NBAS: variants seen among roughly 807,000 people sequenced by gnomAD.
NBAS encodes the protein NBAS subunit of NRZ tethering complex, also known as NAG/BC035112 fusion.
In NBAS, 219 loss-of-function variants were observed where a neutral mutation model predicts 302.5. The observed-to-expected ratio is 0.72, with a 90% CI of 0.65 to 0.81. NBAS has a LOEUF of 0.81. NBAS is among the 30% of genes least tolerant of loss of function. NBAS has a pLI of 0.00. For synonymous variants in NBAS, 1,118 were observed against 1,021.6 expected, an observed-to-expected ratio of 1.09 and a Z score of -1.80; for missense variants, 2,932 against 2,841.6, an observed-to-expected ratio of 1.03 and a Z score of -0.72.
intron 21 of NBAS, among the ~76,000 whole-genome samples, chr2:15,445,534 T>G: frequency 6.9e-6 from 1 of 145,680 alleles, no homozygotes; most frequent in Admixed American, 6.8e-5. Flanking sequence ...AGGGATAGCA[T>G]TGGGAGATAT....
At chr2:15,346,828 G>T (rs2148284972) in intron 35 of NBAS, among the ~76,000 whole-genome samples, 1 of 152,220 alleles carries the variant, frequency 6.6e-6, no homozygotes, top group South Asian at 2.1e-4. Flanking sequence ...GCCATAAAAA[G>T]GTATGCAATC....
rs1672301217 is a variant in NBAS at position 15,330,778 on chromosome 2, A to G, written c.4180-13T>C. On this transcript the variant is annotated splice_polypyrimidine_tract_variant and intron_variant, in intron 35 of 51. Transcript: ENST00000281513. ...CACCTACTTCATCCTGTATTAAAGA[A>G]ACAAAATAGCAAGGGCAAAAATGCA... 1 of 1,613,100 alleles carries G rather than the reference A, an allele frequency of 6.2e-7. No homozygotes were observed. The highest frequency in any genetic ancestry group is 1.3e-5 in the African/African-American group (1 of 75,016).
At chr2:14,853,496 T>C in the NBAS span, among the ~76,000 whole-genome samples, 22 of 95,120 alleles carry the variant, frequency 2.3e-4, no homozygotes, top group Middle Eastern at 4.4e-3. Flanking sequence ...AGTTCAACCA[T>C]TGTGGAAGTC....
At chr2:15,168,991 G>A (rs1244166571) in intron 51 of NBAS, among the ~76,000 whole-genome samples, 4 of 152,196 alleles carry the variant, frequency 2.6e-5, no homozygotes, top group Non-Finnish European at 5.9e-5. Flanking sequence ...AGGCACAGAA[G>A]TTTTATCACT....
chr2:15,090,013 G>T, the NBAS span, among the ~76,000 whole-genome samples: 2 of 152,150 alleles, frequency 1.3e-5, no homozygotes, highest in African/African-American at 2.4e-5. Context: ...CTCCCAAAGT[G>T]CTGGGATTGC....
intron 19 of NBAS, among the ~76,000 whole-genome samples, chr2:15,466,525 A>G (rs562305858): frequency 6.6e-6 from 1 of 152,318 alleles, no homozygotes; most frequent in East Asian, 1.9e-4. Flanking sequence ...ACATGGGGAC[A>G]TCTATGTTTG....
At chr2:15,535,175 C>A (rs1276581746) in intron 8 of NBAS, among the ~76,000 whole-genome samples, 1 of 152,142 alleles carries the variant, frequency 6.6e-6, no homozygotes, top group East Asian at 1.9e-4. Flanking sequence ...GGAACTGGAT[C>A]CAGGATGCTC....
At chr2:15,416,528 G>A (rs887416366) in intron 24 of NBAS, among the ~76,000 whole-genome samples, 2 of 152,186 alleles carry the variant, frequency 1.3e-5, no homozygotes, top group Non-Finnish European at 2.9e-5. Flanking sequence ...GATAAGCCAG[G>A]AGAGGTGGCT....
At chr2:14,876,298 A>G in the NBAS span, among the ~76,000 whole-genome samples, 2 of 152,192 alleles carry the variant, frequency 1.3e-5, no homozygotes, top group African/African-American at 4.8e-5. Flanking sequence ...TGTGGAAAAG[A>G]CAACCAAGTA....
chr2:15,330,545 T>A, intron 36 of NBAS, 53 bp downstream of exon 36: 1 of 1,605,292 alleles, frequency 6.2e-7, no homozygotes, highest in South Asian at 1.1e-5. Context: ...ACATTGCTAA[T>A]GAATTTATAT....
Position 15,475,643 on chromosome 2 carries a change from G to C in NBAS, c.1341+44C>G, listed in dbSNP as rs1291762503. The C allele has an allele frequency of 1.9e-6, 3 of 1,571,716 alleles. No individual in the cohort carries two copies. In the South Asian group the frequency reaches 3.4e-5, roughly 18 times the overall value. ...TAAAAACCAGATATTTAAATTTTTG[G>C]TTAAATACATAACTATTCTCAAACA... is the stretch of plus-strand genomic sequence containing the variant. On this transcript the variant is annotated intron_variant, in intron 14 of 51. Coordinates refer to ENST00000281513, the MANE Select transcript of NBAS (RefSeq NM_015909.4).
At chr2:14,988,030 C>T in the NBAS span, among the ~76,000 whole-genome samples, 3 of 152,058 alleles carry the variant, frequency 2.0e-5, no homozygotes, top group African/African-American at 7.2e-5. Flanking sequence ...ATAAGGTGTC[C>T]GTATTTGTCC....
At chr2:14,875,695 G>C in the NBAS span, among the ~76,000 whole-genome samples, 1 of 152,028 alleles carries the variant, frequency 6.6e-6, no homozygotes, top group South Asian at 2.1e-4. Context: ...AACTAAAATA[G>C]CTTAAAATAT....
At chr2:15,299,586 A>G (rs1265340729) in intron 40 of NBAS, among the ~76,000 whole-genome samples, 1 of 152,208 alleles carries the variant, frequency 6.6e-6, no homozygotes, top group African/African-American at 2.4e-5. Context: ...GAAATAGTCT[A>G]CCATAAAATT....
At chr2:14,896,852 A>T in the NBAS span, among the ~76,000 whole-genome samples, 1 of 152,174 alleles carries the variant, frequency 6.6e-6, no homozygotes, top group African/African-American at 2.4e-5. Flanking sequence ...ATGTATAAGC[A>T]TTTTAATGTA....
chr2:14,973,216 C>G, the NBAS span, among the ~76,000 whole-genome samples: 10 of 152,252 alleles, frequency 6.6e-5, no homozygotes, highest in African/African-American at 2.4e-4. Context: ...TGGGCTAGAA[C>G]CTTCCTAAGG....
At chr2:14,844,417 G>A in the NBAS span, among the ~76,000 whole-genome samples, 8 of 152,302 alleles carry the variant, frequency 5.3e-5, no homozygotes, top group South Asian at 6.2e-4. Flanking sequence ...AGTTCATCGA[G>A]GGCCTTGGGT....
At chr2:15,141,384 C>T in the NBAS span, among the ~76,000 whole-genome samples, 1 of 152,194 alleles carries the variant, frequency 6.6e-6, no homozygotes, top group Non-Finnish European at 1.5e-5. Flanking sequence ...TCACAGCACC[C>T]GTTTTACAGA....
chr2:15,416,858 G>A (rs1369126948), intron 24 of NBAS, among the ~76,000 whole-genome samples: 3 of 150,228 alleles, frequency 2.0e-5, no homozygotes, highest in Non-Finnish European at 4.4e-5. Flanking sequence ...GGGGGAAAAT[G>A]TGGAAGGGAA....
Sources: gnomAD v4.1 joint callset for allele counts (sites outside exome capture counted in the v4.1 genomes callset) on GRCh38, gnomAD v4.1.1 for gene constraint, MANE v1.5 for transcripts, NCBI Gene and HGNC (gene_info 2026-07-23, HGNC 2026-07-21) for gene names.